Variants in BSPRY observed in about 807,000 individuals in gnomAD.
BSPRY encodes the protein B box and SPRY domain-containing protein.
In BSPRY, 33 loss-of-function variants were observed where a neutral mutation model predicts 38.0. The ratio of observed to expected loss-of-function variants is 0.87; its 90% confidence interval spans 0.66 to 1.16. BSPRY has a LOEUF of 1.16. Ranked by LOEUF, BSPRY falls within the 50% of genes most tolerant of loss-of-function variation. The pLI is 0.00. For missense variants in BSPRY, 523 were observed against 533.2 expected (o/e 0.98, Z 0.19); for synonymous variants, 224 against 228.5 (o/e 0.98, Z 0.18).
chr9:113,352,011 A>G (rs892458920), intron 1 of BSPRY, among the ~76,000 whole-genome samples: 2 of 152,066 alleles, frequency 1.3e-5, no homozygotes, highest in African/African-American at 4.8e-5. Context: ...GGGTTTCACC[A>G]CGTTGGCCAG....
Position 113,369,730 on chromosome 9 carries a change from C to G in BSPRY, c.797C>G (p.Pro266Arg), listed in dbSNP as rs371273259. Residue 266 changes from proline to arginine, a missense_variant, in exon 6 of 6, where the codon CCG (proline) becomes CGG (arginine). Coordinates refer to ENST00000374183, the MANE Select transcript of BSPRY (RefSeq NM_017688.3). ...AAGTCAAAGGCCTGTGCAGATGGCC[C>G]GGAGCGCTTCGACCACTGGCCCAAT... ...TKKSKACADG[P>R]ERFDHWPNAL... 2 of 1,614,208 alleles carry G rather than the reference C, an allele frequency of 1.2e-6. No homozygotes were observed. Among genetic ancestry groups the G allele is most frequent in the Non-Finnish European group, 1.7e-6 (2 of 1,180,044 alleles).
At chr9:113,354,202 C>G in intron 1 of BSPRY, 38 bp from the exon 2 acceptor site, 1 of 1,561,742 alleles carries the variant, frequency 6.4e-7, no homozygotes, top group Non-Finnish European at 8.8e-7. Flanking sequence ...GGCTCAGGTA[C>G]ATGGACCAAG....
intron 4 of BSPRY, among the ~76,000 whole-genome samples, chr9:113,364,132 G>C (rs1473019782): frequency 6.6e-6 from 1 of 152,006 alleles, no homozygotes; most frequent in Non-Finnish European, 1.5e-5. Context: ...GTTATAGTGA[G>C]CTGAGAGCCT....
intron 2 of BSPRY, among the ~76,000 whole-genome samples, chr9:113,358,081 C>G (rs28736850): frequency 3.3e-5 from 5 of 149,796 alleles, no homozygotes; most frequent in Admixed American, 3.3e-4. Flanking sequence ...GACCCTATCT[C>G]TACAAAAAAT....
intron 1 of BSPRY, among the ~76,000 whole-genome samples, chr9:113,351,783 T>C (rs1170490991): frequency 6.6e-6 from 1 of 151,168 alleles, no homozygotes; most frequent in East Asian, 1.9e-4. Flanking sequence ...TTCTCTTTCC[T>C]TTTTTTTTAA....
intron 4 of BSPRY, among the ~76,000 whole-genome samples, chr9:113,367,362 A>AGGGG (rs1365095323): frequency 2.6e-5 from 4 of 152,102 alleles, no homozygotes; most frequent in African/African-American, 9.7e-5. Flanking sequence ...CCCCATTGTG[A>AGGGG]GCTGAGGGGA....
intron 1 of BSPRY, among the ~76,000 whole-genome samples, chr9:113,350,660 T>A (rs1833956988): frequency 6.6e-6 from 1 of 152,164 alleles, no homozygotes; most frequent in South Asian, 2.1e-4. Flanking sequence ...CTGTGAAGCC[T>A]GAGGGCTCTG....
chr9:113,360,753 G>T lies in BSPRY; in HGVS notation c.531+16G>T, dbSNP rs772073778. The T allele has an allele frequency of 1.6e-5, 25 of 1,558,510 alleles. No homozygotes were observed. Among genetic ancestry groups the T allele is most frequent in the Non-Finnish European group, 2.2e-5 (25 of 1,149,810 alleles). Reference sequence around the variant, plus strand: ...CCAGCTGATTGTAAGTCAGGCAAGGGTGAGGGCATGACCAGTTGGCCAGGC... The same window carrying T: ...CCAGCTGATTGTAAGTCAGGCAAGGTTGAGGGCATGACCAGTTGGCCAGGC... On this transcript the variant is annotated intron_variant, in intron 3 of 5. Transcript: ENST00000374183.
intron 4 of BSPRY, among the ~76,000 whole-genome samples, chr9:113,366,394 C>T (rs1040794321): frequency 2.0e-5 from 3 of 152,190 alleles, no homozygotes; most frequent in South Asian, 2.1e-4. Flanking sequence ...CCCATCTAGC[C>T]GGAAACTCAC....
At chr9:113,360,830 A>T in intron 3 of BSPRY, 93 bp downstream of exon 3, 1 of 1,119,786 alleles carries the variant, frequency 8.9e-7, no homozygotes, top group Non-Finnish European at 1.3e-6. Flanking sequence ...AGGAGGGTGG[A>T]AATGAGAATT....
At position 113,370,058 on chromosome 9, in the gene BSPRY, G is replaced by A; in HGVS notation, c.1125G>A (p.Val375=). Residue 375 remains valine (V), a synonymous_variant, in exon 6 of 6, where the codon GTG becomes GTA. Transcript: ENST00000374183. This position sits in a 1 kb window ranked among gnomAD's most constrained non-coding sequence, Gnocchi z 4.8. ...LLFYEPASGT[V]LCAHHVSFPG... ...TCTATGAGCCAGCCTCCGGCACAGT[G>A]CTCTGTGCCCATCATGTGTCCTTCC... The A allele has an allele frequency of 6.2e-7, 1 of 1,614,012 alleles. No individual in the cohort carries two copies. Among genetic ancestry groups the A allele is most frequent in the Non-Finnish European group, 8.5e-7 (1 of 1,179,982 alleles).
chr9:113,357,042 A>T (rs1473894686), intron 2 of BSPRY, among the ~76,000 whole-genome samples: 2 of 152,222 alleles, frequency 1.3e-5, no homozygotes, highest in African/African-American at 4.8e-5. Flanking sequence ...AGAGGATGAC[A>T]TCACTAAGTG....
intron 2 of BSPRY, among the ~76,000 whole-genome samples, chr9:113,355,728 C>T (rs1834047316): frequency 6.6e-6 from 1 of 151,904 alleles, no homozygotes; most frequent in Non-Finnish European, 1.5e-5. Context: ...GATTCTCCTG[C>T]TTCAGCCTCC....
rs545120786 is a variant in BSPRY at position 113,354,425 on chromosome 9, C to G, written c.300+87C>G. ...ACTTGGGCAAGTCTAGGGTCCCTTACCAACCTCACAGACTCATTGTGCTAC... is the reference window on the plus strand; with the variant it reads ...ACTTGGGCAAGTCTAGGGTCCCTTAGCAACCTCACAGACTCATTGTGCTAC... On this transcript the variant is annotated intron_variant, in intron 2 of 5. Coordinates refer to ENST00000374183, the MANE Select transcript of BSPRY (RefSeq NM_017688.3). The G allele has an allele frequency of 7.9e-4, 794 of 1,003,716 alleles. 9 individuals carry two copies. In the South Asian group the frequency reaches 0.011, roughly 14 times the overall value. 62.2% of individuals were successfully genotyped at this position (1,003,716 alleles called of 1,614,324 possible).
intron 3 of BSPRY, among the ~76,000 whole-genome samples, 195 bp from the exon 4 acceptor site, chr9:113,362,174 G>A (rs1273005452): frequency 7.1e-6 from 1 of 141,248 alleles, no homozygotes; most frequent in Non-Finnish European, 1.5e-5. Context: ...ATGTGTTATG[G>A]GTGTGTGTGT....
At chr9:113,365,465 G>A (rs776836074) in intron 4 of BSPRY, among the ~76,000 whole-genome samples, 23 of 152,158 alleles carry the variant, frequency 1.5e-4, no homozygotes, top group Non-Finnish European at 2.4e-4. Context: ...CTTTCAAGCT[G>A]GACCCTGTGT....
chr9:113,368,170 T>G lies in BSPRY; in HGVS notation c.558-89T>G. On this transcript the variant is annotated intron_variant, in intron 4 of 5. Coordinates refer to ENST00000374183, the MANE Select transcript of BSPRY (RefSeq NM_017688.3). Reference sequence around the variant, plus strand: ...TCTTGGTATCGCCTGATAGGAGATTTTACTTCTGTTCTTCTCTTCACCCCA... The same window carrying G: ...TCTTGGTATCGCCTGATAGGAGATTGTACTTCTGTTCTTCTCTTCACCCCA... 3 of 1,523,006 alleles carry G rather than the reference T, an allele frequency of 2.0e-6. No individual in the cohort carries two copies. The South Asian group carries it at 3.6e-5, about 18-fold the overall frequency. The allele number at this position is 1,523,006 out of a possible 1,614,324, so 94.3% of individuals were successfully genotyped here. A position where few individuals can be genotyped will look rare whatever the true frequency, so the allele number is the denominator to read the frequency against.
rs1834328765 is a variant in BSPRY, at chr9:113,370,395, C to T, written c.*253C>T. On this transcript the variant is annotated 3_prime_UTR_variant, in exon 6 of 6. Coordinates refer to ENST00000374183, the MANE Select transcript of BSPRY (RefSeq NM_017688.3). This position sits in a 1 kb window ranked among gnomAD's most constrained non-coding sequence, Gnocchi z 4.8. Reference sequence around the variant, plus strand: ...TCTTGGGCCACATAAAATACACTAACGATAGCTGATGAGCTAAAAAAAAAA... The same window carrying T: ...TCTTGGGCCACATAAAATACACTAATGATAGCTGATGAGCTAAAAAAAAAA... 1 of 355,722 alleles carries T rather than the reference C, an allele frequency of 2.8e-6. No individual in the cohort carries two copies. The highest frequency in any genetic ancestry group is 4.9e-6 in the Non-Finnish European group (1 of 203,306). 22.0% of individuals were successfully genotyped at this position (355,722 alleles called of 1,614,324 possible).
intron 1 of BSPRY, among the ~76,000 whole-genome samples, chr9:113,350,289 C>T (rs1413798794): frequency 6.6e-6 from 1 of 152,042 alleles, no homozygotes; most frequent in Admixed American, 6.6e-5. Context: ...GGACTCAAAG[C>T]CCCCCTCCTC....
Sources: allele counts gnomAD v4.1 joint callset (sites outside exome capture counted in the v4.1 genomes callset), GRCh38; gene constraint gnomAD v4.1.1; non-coding constraint Gnocchi (gnomAD v3.1); transcripts MANE v1.5; gene names NCBI Gene and HGNC (gene_info 2026-07-23, HGNC 2026-07-21).